The following ITGAE variants were observed in gnomAD, a reference collection of about 807,000 sequenced individuals.
The protein encoded by ITGAE is integrin alpha-E.
In ITGAE, 99 loss-of-function variants were observed where a neutral mutation model predicts 136.5. That is an observed-to-expected ratio of 0.73 (90% CI 0.62 to 0.86). The LOEUF is 0.86. ITGAE is among the 40% of genes least tolerant of loss of function. The pLI is 0.00. For synonymous variants in ITGAE, 613 were observed against 591.8 expected, an observed-to-expected ratio of 1.04 and a Z score of -0.52; for missense variants, 1,447 against 1,515.3, an observed-to-expected ratio of 0.95 and a Z score of 0.75.
intron 16 of ITGAE, among the ~76,000 whole-genome samples, chr17:3,749,278 G>A (rs1410651376): frequency 2.0e-5 from 3 of 151,194 alleles, no homozygotes; most frequent in Non-Finnish European, 4.4e-5. Context: ...TTTTGGAGAC[G>A]GAGTCTCGCT....
At chr17:3,758,884 G>C (rs2052092662) in intron 8 of ITGAE, among the ~76,000 whole-genome samples, 1 of 151,750 alleles carries the variant, frequency 6.6e-6, no homozygotes, top group Non-Finnish European at 1.5e-5. Flanking sequence ...CCAGCACTTT[G>C]GGAGGCCGAG....
At chr17:3,732,003 G>A (rs1597310163) in intron 22 of ITGAE, among the ~76,000 whole-genome samples, 2 of 152,248 alleles carry the variant, frequency 1.3e-5, no homozygotes, top group East Asian at 3.9e-4. Flanking sequence ...TTGAACCCGG[G>A]AGGCGGAGGT....
chr17:3,717,406 G>C (rs949990158), intron 29 of ITGAE: 3 of 152,216 alleles, frequency 2.0e-5, no homozygotes, highest in Non-Finnish European at 4.4e-5. Context: ...GCAGAGCTCA[G>C]CTATTAGAAG....
chr17:3,736,068 G>A (rs755900633), intron 20 of ITGAE, among the ~76,000 whole-genome samples: 3 of 152,198 alleles, frequency 2.0e-5, no homozygotes, highest in African/African-American at 4.8e-5. Flanking sequence ...GCTTGAACCC[G>A]GTAGGGGGAG....
At chr17:3,796,941 C>T (rs546603774) in intron 1 of ITGAE, among the ~76,000 whole-genome samples, 16 of 152,130 alleles carry the variant, frequency 1.1e-4, no homozygotes, top group East Asian at 5.8e-4. Context: ...GAACACCCAG[C>T]GGGGCCTCGT....
At chr17:3,761,206 A>C in intron 5 of ITGAE, 29 bp from the exon 6 acceptor site, 1 of 1,605,026 alleles carries the variant, frequency 6.2e-7, no homozygotes. Flanking sequence ...AAGAGCTCAG[A>C]GTCAGAAAGG....
chr17:3,753,788 C>G lies in ITGAE; in HGVS notation c.1522G>C (p.Glu508Gln), dbSNP rs756348462. 56 of 1,614,082 alleles carry G rather than the reference C, an allele frequency of 3.5e-5. No homozygotes were observed. In the South Asian group the frequency reaches 5.9e-4, roughly 17 times the overall value. The change falls in exon 13 of 31, where the codon GAG becomes CAG. Residue 508 changes from glutamate (E) to glutamine (Q), a missense_variant. Coordinates refer to ENST00000263087, the MANE Select transcript of ITGAE (RefSeq NM_002208.5). ...AGGCTTTCCCCAGCAGGTACCTGCT[C>G]TCCCTCCAGCACTGGCAGGAAGCTG... The part of the protein sequence containing the change: ...EASFLPVLEG[E>Q]QMGSYFGSEL...
intron 28 of ITGAE, chr17:3,720,768 A>G: frequency 5.4e-6 from 1 of 186,464 alleles, no homozygotes; most frequent in Non-Finnish European, 1.1e-5. Context: ...TTTTTAGTAG[A>G]GATGGGGTTT....
At chr17:3,750,512 C>T (rs761137867) in intron 15 of ITGAE, 30 bp from the exon 16 acceptor site, 21 of 1,612,642 alleles carry the variant, frequency 1.3e-5, no homozygotes, top group East Asian at 4.5e-5. Flanking sequence ...AGGCGTGGGG[C>T]GAGGGAAGGG....
chr17:3,718,667 G>C (rs898300437), intron 29 of ITGAE, among the ~76,000 whole-genome samples: 3 of 152,214 alleles, frequency 2.0e-5, no homozygotes, highest in Non-Finnish European at 4.4e-5. Context: ...GGGAATCCAT[G>C]CTATAGAAAT....
chr17:3,764,411 T>C (rs886467972), intron 2 of ITGAE, among the ~76,000 whole-genome samples: 4 of 152,044 alleles, frequency 2.6e-5, no homozygotes, highest in Non-Finnish European at 5.9e-5. Context: ...ACTGGAGGTT[T>C]GGAGGCCGGG....
chr17:3,720,423 T>A, intron 28 of ITGAE, 21 bp from the exon 29 acceptor site: 1 of 1,089,130 alleles, frequency 9.2e-7, no homozygotes, highest in South Asian at 1.2e-5. Context: ...GGGAAAGGAA[T>A]GAGGGAAACA....
intron 30 of ITGAE, among the ~76,000 whole-genome samples, chr17:3,715,415 G>T (rs1250204288): frequency 1.3e-5 from 2 of 152,150 alleles, no homozygotes; most frequent in Non-Finnish European, 2.9e-5. Context: ...ACACACAGAA[G>T]CCAGCACAGA....
chr17:3,761,776 C>G (rs2052176376), intron 4 of ITGAE, 139 bp downstream of exon 4: 2 of 779,146 alleles, frequency 2.6e-6, no homozygotes, highest in East Asian at 5.4e-5. Context: ...ACAGTCAGCC[C>G]TGGGGTTGGC....
chr17:3,726,158 T>C (rs1388765681), intron 26 of ITGAE: 3 of 1,614,188 alleles, frequency 1.9e-6, no homozygotes, highest in Admixed American at 1.7e-5. Context: ...CTTATAGTAA[T>C]GTGCTCTGGT....
chr17:3,723,211 G>C (rs1461054934), intron 28 of ITGAE, 77 bp downstream of exon 28: 1 of 991,044 alleles, frequency 1.0e-6, no homozygotes, highest in Middle Eastern at 2.1e-4. Context: ...GTTATGCAAA[G>C]ATGCTATTAT....
chr17:3,801,039 C>A, intron 1 of ITGAE, 72 bp downstream of exon 1: 2 of 1,531,430 alleles, frequency 1.3e-6, no homozygotes, highest in East Asian at 2.2e-5. Flanking sequence ...ACAGTCAAGG[C>A]TGTAGTCTGC....
In ITGAE at chr17:3,777,566, G is replaced by C; in HGVS notation, c.129C>G (p.His43Gln). The change falls in exon 2 of 31, where the codon CAC (histidine) becomes CAG (glutamine). Residue 43 changes from histidine (H) to glutamine (Q), a missense_variant. By Grantham distance (24) the His-to-Gln change is conservative. Transcript: ENST00000263087. ...GAPFVLSSLL[H>Q]QDPSTNQTWL... is the part of the protein sequence containing the mutation. ...AGGTCTGGTTGGTGCTGGGGTCTTG[G>C]TGCAGAAGGGAGCTGAGCACGAAAG... 6.2e-7 allele frequency: 1 copy of C among 1,613,878 alleles called. No homozygotes were observed. Among genetic ancestry groups the C allele is most frequent in the Non-Finnish European group, 8.5e-7 (1 of 1,179,874 alleles).
At chr17:3,767,632 G>A (rs967342006) in intron 2 of ITGAE, among the ~76,000 whole-genome samples, 3 of 152,056 alleles carry the variant, frequency 2.0e-5, no homozygotes, top group Admixed American at 2.0e-4. Flanking sequence ...TGTGGGGTTT[G>A]TTTGTTTTTT....
Sources: gnomAD v4.1 joint callset for allele counts (sites outside exome capture counted in the v4.1 genomes callset) on GRCh38, gnomAD v4.1.1 for gene constraint, MANE v1.5 for transcripts, NCBI Gene and HGNC (gene_info 2026-07-23, HGNC 2026-07-21) for gene names.